FN1: variants seen among roughly 807,000 people sequenced by gnomAD.
FN1 encodes fibronectin 1, also known as fibronectin.
A neutral mutation model predicts 297.3 loss-of-function variants in FN1; 106 were observed. That is an observed-to-expected ratio of 0.36 (90% CI 0.30 to 0.42). The LOEUF is 0.42. Among genes scored for constraint, FN1 ranks in the 10% least tolerant of loss-of-function variants. The pLI is 1.00. For synonymous variants in FN1, 1,149 were observed against 1,152.6 expected, an observed-to-expected ratio of 1.00 and a Z score of 0.06; for missense variants, 2,690 against 3,124.9, an observed-to-expected ratio of 0.86 and a Z score of 3.32.
In FN1 at chr2:215,369,076, G is replaced by A. The variant is rs190824385; in HGVS notation, c.6854-1049C>T. ...TCTCAAAGCTGGGAGAACCTGGTTA[G>A]AATGTAGAATACTGCTGCTGGGAAT... On this transcript the variant is annotated intron_variant, in intron 41 of 45. Coordinates refer to ENST00000354785, the MANE Select transcript of FN1 (RefSeq NM_212482.4). 3.8e-3 allele frequency among the ~76,000 whole-genome samples: 575 copies of A among 152,184 alleles called. 3 individuals are homozygous for A. Among genetic ancestry groups the A allele is most frequent in the South Asian group, 0.021 (103 of 4,820 alleles).
chr2:215,366,010 G>T (rs1553592762), intron 42 of FN1, among the ~76,000 whole-genome samples: 1 of 140,398 alleles, frequency 7.1e-6, no homozygotes, highest in Non-Finnish European at 1.5e-5. Flanking sequence ...TAGAGATGGG[G>T]TTTTACCATG....
Position 215,379,298 on chromosome 2 carries a change from G to T in FN1, c.5454C>A (p.Asp1818Glu). 1.2e-6 allele frequency: 2 copies of T among 1,614,060 alleles called. No individual in the cohort carries two copies. The highest frequency in any genetic ancestry group is 1.7e-6 in the Non-Finnish European group (2 of 1,179,990). ...TGGGTGTGACCTGAGTGAACTTCAG[G>T]TCAGTTGGTGCAGGAATAGCTGTCG... is the stretch of plus-strand genomic sequence containing the variant. ...TQSTAIPAPT[D>E]LKFTQVTPTS... Residue 1818 changes from aspartate to glutamate, a missense_variant, in exon 34 of 46, where the codon GAC becomes GAA. Asp to Glu is a conservative substitution (Grantham distance 45, BLOSUM62 2). Transcript: ENST00000354785.
intron 42 of FN1, among the ~76,000 whole-genome samples, chr2:215,366,291 T>C (rs2054593490): frequency 6.6e-6 from 1 of 152,120 alleles, no homozygotes; most frequent in Non-Finnish European, 1.5e-5. Context: ...AAAACTAAAG[T>C]GGGATTGGAG....
At chr2:215,407,408 C>T in intron 17 of FN1, 87 bp from the exon 18 acceptor site, 1 of 1,102,566 alleles carries the variant, frequency 9.1e-7, no homozygotes, top group East Asian at 2.4e-5. Flanking sequence ...TTTCTAATAT[C>T]CCTTAGCATC....
rs753615379 is a variant in FN1 at position 215,386,849 on chromosome 2, A to T, written c.4452T>A (p.His1484Gln). The T allele has an allele frequency of 2.5e-6, 4 of 1,613,908 alleles. No individual in the cohort carries two copies. Among genetic ancestry groups the T allele is most frequent in the African/African-American group, 2.7e-5 (2 of 74,900 alleles). Residue 1484 changes from histidine (H) to glutamine (Q), a missense_variant, in exon 28 of 46, where the codon CAT (histidine) becomes CAA (glutamine). Around this residue, in one of 3 missense-constraint regions of FN1, gnomAD observed 1,743 missense variants for 1,945.2 expected, o/e 0.90. Coordinates refer to ENST00000354785, the MANE Select transcript of FN1 (RefSeq NM_212482.4). ...GAGGTCTCCCACTGAAGTGCTCGGG[A>T]TGATGGCGGATCCTGTAGCCAGTGA... ...ATITGYRIRHHPEHFSGRPRE... is the reference protein window; with the variant it reads ...ATITGYRIRHQPEHFSGRPRE...
intron 12 of FN1, among the ~76,000 whole-genome samples, chr2:215,416,830 C>T (rs2063494401): frequency 6.6e-6 from 1 of 152,172 alleles, no homozygotes; most frequent in Non-Finnish European, 1.5e-5. Context: ...AAGGGTACAG[C>T]AGTGGTTTTT....
intron 3 of FN1, among the ~76,000 whole-genome samples, chr2:215,433,099 C>G (rs2066815476): frequency 6.6e-6 from 1 of 152,148 alleles, no homozygotes; most frequent in South Asian, 2.1e-4. Context: ...TAAATGCACA[C>G]ACACTCATAA....
At chr2:215,366,555 A>G (rs1224678170) in intron 42 of FN1, among the ~76,000 whole-genome samples, 2 of 152,254 alleles carry the variant, frequency 1.3e-5, no homozygotes, top group Admixed American at 1.3e-4. Flanking sequence ...TCACAGTTTT[A>G]TGCCTTTAAC....
In FN1 at chr2:215,361,503, A is replaced by AGAT; in HGVS notation, c.*49_*51dup. 2.4e-6 allele frequency: 3 copies of AGAT among 1,273,118 alleles called. No individual in the cohort carries two copies. The Admixed American group carries it at 5.0e-5, about 21-fold the overall frequency. The allele number at this position is 1,273,118 out of a possible 1,614,324, so 78.9% of individuals were successfully genotyped here. Reference sequence around the variant, plus strand: ...GGGTCTGCTAACATCACTCCAGTTTAGATGGATCTTGGCAGAGAGACATGC... The same window carrying AGAT: ...GGGTCTGCTAACATCACTCCAGTTTAGATGATGGATCTTGGCAGAGAGACATGC... On this transcript the variant is annotated 3_prime_UTR_variant, in exon 46 of 46. Transcript: ENST00000354785.
intron 42 of FN1, among the ~76,000 whole-genome samples, chr2:215,366,078 A>G (rs192938200): frequency 2.0e-4 from 30 of 151,264 alleles, no homozygotes; most frequent in African/African-American, 7.1e-4. Flanking sequence ...TCAGCCTCCA[A>G]AAGTGCTGGG....
Position 215,425,699 on chromosome 2 carries a change from C to T in FN1, c.845-414G>A, listed in dbSNP as rs148700104. Among the ~76,000 whole-genome samples, 1,204 of 152,154 alleles carry T rather than the reference C, an allele frequency of 7.9e-3. 15 individuals are homozygous for T. Among genetic ancestry groups the T allele is most frequent in the African/African-American group, 0.027 (1,107 of 41,512 alleles). Reference sequence around the variant, plus strand: ...TCCCAAGTAGCTGCAATTACAGGCACGCACCACCATGCCCAGCTGATTTTT... The same window carrying T: ...TCCCAAGTAGCTGCAATTACAGGCATGCACCACCATGCCCAGCTGATTTTT... On this transcript the variant is annotated intron_variant, in intron 6 of 45. Coordinates refer to ENST00000354785, the MANE Select transcript of FN1 (RefSeq NM_212482.4).
At chr2:215,401,251 G>GAAAAA (rs1559475860) in intron 20 of FN1, among the ~76,000 whole-genome samples, 890 of 80,236 alleles carry the variant, frequency 0.011, 49 homozygotes, top group African/African-American at 0.044. Context: ...AGAAAGAAAG[G>GAAAAA]AAGAAAGAAA....
At position 215,383,490 on chromosome 2, in the gene FN1, A is replaced by G. The variant is rs1236843010; in HGVS notation, c.4895-7T>C. 3 of 1,614,150 alleles carry G rather than the reference A, an allele frequency of 1.9e-6. No homozygotes were observed. Among genetic ancestry groups the G allele is most frequent in the Non-Finnish European group, 2.5e-6 (3 of 1,180,000 alleles). ...TGGGATGGTTTGTCAATTTCTACAA[A>G]TAAAAGCAGGGAGAAACCAGTGAAG... On this transcript the variant is annotated splice_polypyrimidine_tract_variant and splice_region_variant and intron_variant, in intron 30 of 45. Coordinates refer to ENST00000354785, the MANE Select transcript of FN1 (RefSeq NM_212482.4).
In FN1 at chr2:215,372,147, G is replaced by T; in HGVS notation, c.6476C>A (p.Pro2159His). 6.2e-7 allele frequency: 1 copy of T among 1,614,218 alleles called. No individual in the cohort carries two copies. Among genetic ancestry groups the T allele is most frequent in the Non-Finnish European group, 8.5e-7 (1 of 1,180,040 alleles). ...RRTTPPTTAT[P>H]IRHRPRPYPP... ...GTATGGTCTTGGCCTATGCCTTATG[G>T]GGGTGGCCGTTGTGGGCGGTGTGGT... Residue 2159 changes from proline (P) to histidine (H), a missense_variant, in exon 40 of 46, where the codon CCC becomes CAC. Coordinates refer to ENST00000354785, the MANE Select transcript of FN1 (RefSeq NM_212482.4).
chr2:215,368,984 G>T (rs1183000836), intron 41 of FN1, among the ~76,000 whole-genome samples: 1 of 152,120 alleles, frequency 6.6e-6, no homozygotes, highest in Non-Finnish European at 1.5e-5. Flanking sequence ...TATTTGAGGT[G>T]CCTAATTTTT....
chr2:215,401,353 AAAAG>A (rs754467832), intron 20 of FN1, among the ~76,000 whole-genome samples: 52 of 152,178 alleles, frequency 3.4e-4, no homozygotes, highest in East Asian at 2.5e-3. Flanking sequence ...AAAGGAAAGA[AAAAG>A]AAAGAAAGAG....
At chr2:215,386,068 G>A (rs1010599208) in intron 28 of FN1, among the ~76,000 whole-genome samples, 6 of 132,380 alleles carry the variant, frequency 4.5e-5, no homozygotes, top group African/African-American at 1.7e-4. Context: ...GAGCCATTGC[G>A]CCTGGCCCTT....
In FN1 at chr2:215,380,971, C is replaced by T. The variant is rs34923683; in HGVS notation, c.5274G>A (p.Ser1758=). ...GCTCATGGATTCCATCCTCAGGGCT[C>T]GAGTAGGTCACCCTGTACCTGGAAA... is the stretch of plus-strand genomic sequence containing the variant. ...GQVSRYRVTY[S]SPEDGIHELF... The change falls in exon 33 of 46, where the codon TCG becomes TCA. Residue 1758 remains serine, a synonymous_variant. Transcript: ENST00000354785. 1.6e-5 allele frequency: 26 copies of T among 1,614,070 alleles called. No homozygotes were observed. Among genetic ancestry groups the T allele is most frequent in the Admixed American group, 3.3e-5 (2 of 60,006 alleles).
rs774889501 is a variant in FN1 at position 215,419,384 on chromosome 2, G to A, written c.1677C>T (p.Asp559=). 2.5e-6 allele frequency: 4 copies of A among 1,612,168 alleles called. No homozygotes were observed. The highest frequency in any genetic ancestry group is 3.4e-6 in the Non-Finnish European group (4 of 1,178,256). ...TCCCAGTCTCTGAATCCTGGCATTG[G>A]TCTAAAATACATGGAAGGAAAAGAT... The part of the protein sequence containing the change: ...GRGRWKCDPV[D]QCQDSETGTF... Residue 559 remains aspartate (D), a splice_region_variant and synonymous_variant, in exon 12 of 46, where the codon GAC becomes GAT. Coordinates refer to ENST00000354785, the MANE Select transcript of FN1 (RefSeq NM_212482.4).
Sources: gnomAD v4.1 joint callset for allele counts (sites outside exome capture counted in the v4.1 genomes callset) on GRCh38, gnomAD v4.1.1 for gene constraint, gnomAD v4.1.1 regional missense constraint, MANE v1.5 for transcripts, NCBI Gene and HGNC (gene_info 2026-07-23, HGNC 2026-07-21) for gene names.